Variants in ITPR1 observed in about 807,000 individuals in gnomAD.
The protein encoded by ITPR1 is inositol 1,4,5-trisphosphate receptor type 1.
In ITPR1, 96 loss-of-function variants were observed where a neutral mutation model predicts 318.4. The ratio of observed to expected loss-of-function variants is 0.30; its 90% CI spans 0.26 to 0.36. The LOEUF is 0.36. Among genes scored for constraint, ITPR1 ranks in the 10% least tolerant of loss-of-function variants. The pLI is 1.00. For missense variants in ITPR1, 2,440 were observed against 3,460.2 expected, an observed-to-expected ratio of 0.71 and a Z score of 7.40; for synonymous variants, 1,312 against 1,289.9, an observed-to-expected ratio of 1.02 and a Z score of -0.37.
intron 7 of ITPR1, 146 bp from the exon 8 acceptor site, chr3:4,643,990 C>T (rs1304623627): frequency 8.3e-6 from 5 of 601,716 alleles, no homozygotes; most frequent in East Asian, 3.1e-5. Context: ...TTAAAGAAGG[C>T]GTGGTGTGTG....
chr3:4,800,655 C>T lies in ITPR1; in HGVS notation c.7107+55C>T, dbSNP rs1204238780. 2.2e-5 allele frequency: 34 copies of T among 1,544,262 alleles called. No homozygotes were observed. In the Admixed American group the frequency reaches 5.3e-4, roughly 24 times the overall value. ...TTTGTTTGCAGATTAATAGGAATGC[C>T]TTGCACTCTGGTTTCTAGAATCCTG... On this transcript the variant is annotated intron_variant, in intron 54 of 61. Transcript: ENST00000649015.
chr3:4,503,567 G>A (rs2081186149), intron 2 of ITPR1, among the ~76,000 whole-genome samples: 1 of 152,158 alleles, frequency 6.6e-6, no homozygotes, highest in Non-Finnish European at 1.5e-5. Flanking sequence ...TCCTCCAGGG[G>A]ACATTTGGTA....
intron 51 of ITPR1, among the ~76,000 whole-genome samples, chr3:4,787,682 A>G (rs1048614330): frequency 4.6e-5 from 7 of 152,162 alleles, no homozygotes; most frequent in Admixed American, 1.3e-4. Flanking sequence ...TGGGTGACAG[A>G]GCAAGACTCC....
intron 4 of ITPR1, among the ~76,000 whole-genome samples, chr3:4,527,845 G>T (rs753764815): frequency 6.6e-6 from 1 of 152,148 alleles, no homozygotes; most frequent in African/African-American, 2.4e-5. Flanking sequence ...CTGGCACCAT[G>T]TTAGCCCCTT....
intron 12 of ITPR1, among the ~76,000 whole-genome samples, chr3:4,656,471 C>T (rs1428749861): frequency 2.0e-5 from 3 of 151,986 alleles, no homozygotes; most frequent in Non-Finnish European, 2.9e-5. Flanking sequence ...CTTCCTTTAG[C>T]GTAGATAGAA....
intron 4 of ITPR1, among the ~76,000 whole-genome samples, chr3:4,573,622 T>G (rs2088277931): frequency 1.3e-5 from 2 of 152,262 alleles, no homozygotes; most frequent in African/African-American, 4.8e-5. Context: ...CTTGCCTGGC[T>G]TCAGACACAC....
At chr3:4,594,095 G>A (rs1191741831) in intron 4 of ITPR1, among the ~76,000 whole-genome samples, 3 of 152,256 alleles carry the variant, frequency 2.0e-5, no homozygotes, top group Middle Eastern at 3.4e-3. Flanking sequence ...GGTAGACTTC[G>A]GGCTTGTTCA....
rs376198053 is a variant in ITPR1 at position 4,666,568 on chromosome 3, C to T, written c.1714-809C>T. Among the ~76,000 whole-genome samples the T allele has an allele frequency of 2.8e-4, 42 of 152,310 alleles. No homozygotes were observed. In the South Asian group the frequency reaches 6.8e-3, roughly 25 times the overall value. On this transcript the variant is annotated intron_variant, in intron 17 of 61. Transcript: ENST00000649015. ...CCAGTTGGCAGATGATAAGTTCCTA[C>T]ACAATGCCTCCTTATAGAATACAGG...
At position 4,847,078 on chromosome 3, in the gene ITPR1, T is replaced by C. The variant is rs1364136565; in HGVS notation, c.*853T>C. 1.3e-5 allele frequency: 2 copies of C among 152,646 alleles called. No individual in the cohort carries two copies. The highest frequency in any genetic ancestry group is 1.9e-4 in the East Asian group (1 of 5,200). 9.5% of individuals were successfully genotyped at this position (152,646 alleles called of 1,614,324 possible). ...CTGGGTAAATTTTGATGTCGCATTA[T>C]AAAGACATGCATAATTGATGGTTTC... is the stretch of plus-strand genomic sequence containing the variant. On this transcript the variant is annotated 3_prime_UTR_variant, in exon 62 of 62. Coordinates refer to ENST00000649015, the MANE Select transcript of ITPR1 (RefSeq NM_001378452.1).
rs1318497804 is a variant in ITPR1, at chr3:4,831,123, T to TCACACACACACACA, written c.8029-5650_8029-5649insACACACACACACAC. Reference sequence around the variant, plus strand: ...CTGTCTTTGTCTCTCTCTCTCTCTCTCTCTCTCTCACACACACACACACAC... The same window carrying TCACACACACACACA: ...CTGTCTTTGTCTCTCTCTCTCTCTCTCACACACACACACACTCTCTCTCACACACACACACACAC... On this transcript the variant is annotated intron_variant, in intron 60 of 61. Transcript: ENST00000649015. The TCACACACACACACA allele has an allele frequency of 1.0e-4, 26 of 248,146 alleles. No individual in the cohort carries two copies. In the East Asian group the frequency reaches 2.3e-3, roughly 22 times the overall value. The allele number at this position is 248,146 out of a possible 1,614,324, so 15.4% of individuals were successfully genotyped here.
At chr3:4,655,624 G>A (rs567948959) in intron 12 of ITPR1, among the ~76,000 whole-genome samples, 1 of 152,296 alleles carries the variant, frequency 6.6e-6, no homozygotes, top group African/African-American at 2.4e-5. Flanking sequence ...GGATCTTCCT[G>A]GTACAGAGGA....
chr3:4,506,103 C>G (rs901087731), intron 2 of ITPR1, among the ~76,000 whole-genome samples: 20 of 152,150 alleles, frequency 1.3e-4, no homozygotes, highest in African/African-American at 4.8e-4. Context: ...ATGAGATAAG[C>G]CCTCATTATC....
chr3:4,640,890 G>A (rs2125151151), intron 6 of ITPR1, among the ~76,000 whole-genome samples: 1 of 152,286 alleles, frequency 6.6e-6, no homozygotes, highest in Non-Finnish European at 1.5e-5. Context: ...AGACAGATGT[G>A]TGCAGGACCA....
chr3:4,754,802 C>A (rs2044828545), intron 44 of ITPR1, among the ~76,000 whole-genome samples: 1 of 152,220 alleles, frequency 6.6e-6, no homozygotes, highest in African/African-American at 2.4e-5. Flanking sequence ...CCTTCCACTT[C>A]AGGCAAATTT....
chr3:4,567,371 G>T (rs554709110), intron 4 of ITPR1, among the ~76,000 whole-genome samples: 1 of 152,152 alleles, frequency 6.6e-6, no homozygotes, highest in African/African-American at 2.4e-5. Flanking sequence ...CAGGTTGGAG[G>T]GGGGATGATA....
intron 4 of ITPR1, among the ~76,000 whole-genome samples, chr3:4,537,731 C>T (rs1245695555): frequency 9.9e-6 from 1 of 100,822 alleles, no homozygotes; most frequent in Non-Finnish European, 2.0e-5. Context: ...AAAATTGATT[C>T]TCTCTTGAAG....
intron 4 of ITPR1, among the ~76,000 whole-genome samples, chr3:4,604,294 C>T (rs1487669385): frequency 6.6e-6 from 1 of 152,074 alleles, no homozygotes; most frequent in Non-Finnish European, 1.5e-5. Flanking sequence ...TGCTTGTGGG[C>T]TTTCGTGGAG....
intron 32 of ITPR1, among the ~76,000 whole-genome samples, chr3:4,692,849 A>C (rs1304463732): frequency 6.6e-6 from 1 of 152,208 alleles, no homozygotes. Context: ...GGCAGGGCAC[A>C]TTGGCTCACA....
chr3:4,642,072 A>G, intron 6 of ITPR1, 21 bp from the exon 7 acceptor site: 2 of 1,552,626 alleles, frequency 1.3e-6, no homozygotes, highest in Non-Finnish European at 1.7e-6. Flanking sequence ...CACTCACTTT[A>G]TTCTCTTGGT....
Sources: allele counts gnomAD v4.1 joint callset (sites outside exome capture counted in the v4.1 genomes callset), GRCh38; gene constraint gnomAD v4.1.1; transcripts MANE v1.5; gene names NCBI Gene and HGNC (gene_info 2026-07-23, HGNC 2026-07-21).